Variants in ADAM23 observed in about 807,000 individuals in gnomAD.
ADAM23 encodes disintegrin and metalloproteinase domain-containing protein 23.
A neutral mutation model predicts 120.1 loss-of-function variants in ADAM23; 33 were observed. The ratio of observed to expected loss-of-function variants is 0.27; its 90% CI spans 0.21 to 0.37. The LOEUF is 0.37. Among genes scored for constraint, ADAM23 ranks in the 10% least tolerant of loss-of-function variants. The pLI is 1.00. For synonymous variants in ADAM23, 367 were observed against 375.2 expected (o/e 0.98, Z 0.25); for missense variants, 862 against 1,058.2 (o/e 0.81, Z 2.57).
rs78871360 is a variant in ADAM23 at position 206,487,704 on chromosome 2, T to C, written c.509+6396T>C. ...TGTGCTTCTTTTAGCCCCTGCCCGA[T>C]GCAGAGAGGAAAGAATTCTTAGGAT... On this transcript the variant is annotated intron_variant, in intron 3 of 25. Coordinates refer to ENST00000264377, the MANE Select transcript of ADAM23 (RefSeq NM_003812.4). Among the ~76,000 whole-genome samples the C allele has an allele frequency of 2.7e-3, 418 of 152,366 alleles. 2 individuals are homozygous for C. Among genetic ancestry groups the C allele is most frequent in the African/African-American group, 9.2e-3 (382 of 41,592 alleles).
chr2:206,617,338 A>C (rs769020972), intron 25 of ADAM23, among the ~76,000 whole-genome samples: 13 of 152,172 alleles, frequency 8.5e-5, no homozygotes, highest in Non-Finnish European at 1.8e-4. Context: ...AACAACCCAA[A>C]GTTTTGTTTG....
At chr2:206,562,942 T>C (rs1697797878) in intron 13 of ADAM23, among the ~76,000 whole-genome samples, 1 of 152,086 alleles carries the variant, frequency 6.6e-6, no homozygotes, top group South Asian at 2.1e-4. Context: ...AGATGAGAGG[T>C]AGATAGGAAG....
chr2:206,542,469 G>T (rs769988645), intron 5 of ADAM23, among the ~76,000 whole-genome samples: 15 of 152,186 alleles, frequency 9.9e-5, no homozygotes, highest in Non-Finnish European at 1.8e-4. Context: ...CCTACAGCTA[G>T]ACTTGAGAGT....
intron 18 of ADAM23, among the ~76,000 whole-genome samples, chr2:206,586,873 G>A (rs1698331875): frequency 6.6e-6 from 1 of 152,210 alleles, no homozygotes; most frequent in African/African-American, 2.4e-5. Flanking sequence ...GAAAGGCAGA[G>A]TATTTCTTCT....
Position 206,550,079 on chromosome 2 carries a change from T to G in ADAM23, c.868-16T>G. Reference sequence around the variant, plus strand: ...TGTCAATCACTATTCTGACCATATATTTTTATTTTCCGTAGCCATCACGTG... The same window carrying G: ...TGTCAATCACTATTCTGACCATATAGTTTTATTTTCCGTAGCCATCACGTG... On this transcript the variant is annotated splice_polypyrimidine_tract_variant and intron_variant, in intron 8 of 25. Transcript: ENST00000264377. 1 of 1,509,852 alleles carries G rather than the reference T, an allele frequency of 6.6e-7. No individual in the cohort carries two copies. Among genetic ancestry groups the G allele is most frequent in the Non-Finnish European group, 9.2e-7 (1 of 1,092,114 alleles). The allele number at this position is 1,509,852 out of a possible 1,614,324, so 93.5% of individuals were successfully genotyped here.
chr2:206,586,047 G>A (rs759500464), intron 18 of ADAM23, among the ~76,000 whole-genome samples: 2 of 152,118 alleles, frequency 1.3e-5, no homozygotes, highest in African/African-American at 2.4e-5. Flanking sequence ...AATCCAGAGC[G>A]ACAACGGGAA....
In ADAM23 at chr2:206,467,250, CAG is replaced by C. The variant is rs749811516; in HGVS notation, c.433-13980_433-13979del. Among the ~76,000 whole-genome samples the C allele has an allele frequency of 6.6e-5, 10 of 152,300 alleles. No individual in the cohort carries two copies. In the East Asian group the frequency reaches 7.7e-4, roughly 12 times the overall value. On this transcript the variant is annotated intron_variant, in intron 2 of 25. Coordinates refer to ENST00000264377, the MANE Select transcript of ADAM23 (RefSeq NM_003812.4). ...ATCTTAACTCATTCCAGCATTAACT[CAG>C]AAGTCCAAAGTCTTTTCTGAGATAA...
chr2:206,517,397 G>T (rs1379291173), intron 3 of ADAM23, among the ~76,000 whole-genome samples: 1 of 152,148 alleles, frequency 6.6e-6, no homozygotes, highest in African/African-American at 2.4e-5. Context: ...GTGGATTCCT[G>T]TCTTGAGTAT....
At chr2:206,499,878 A>G (rs1300870501) in intron 3 of ADAM23, among the ~76,000 whole-genome samples, 13 of 152,226 alleles carry the variant, frequency 8.5e-5, no homozygotes, top group Non-Finnish European at 5.9e-5. Flanking sequence ...ACCTTAAGAC[A>G]CCATGAAGTA....
intron 24 of ADAM23, among the ~76,000 whole-genome samples, chr2:206,601,739 A>C (rs1343165110): frequency 6.6e-6 from 1 of 150,428 alleles, no homozygotes; most frequent in Non-Finnish European, 1.5e-5. Context: ...ACACCACTGC[A>C]CTCCAGCCTG....
At chr2:206,537,857 C>G (rs1170622976) in intron 4 of ADAM23, among the ~76,000 whole-genome samples, 1 of 152,000 alleles carries the variant, frequency 6.6e-6, no homozygotes, top group Non-Finnish European at 1.5e-5. Context: ...TAAGCAATAA[C>G]AAGGAAAACA....
At chr2:206,549,296 C>T (rs1463057413) in intron 8 of ADAM23, among the ~76,000 whole-genome samples, 1 of 151,258 alleles carries the variant, frequency 6.6e-6, no homozygotes, top group Admixed American at 6.6e-5. Context: ...TATTAGATCT[C>T]TTTTAGCTCA....
intron 24 of ADAM23, among the ~76,000 whole-genome samples, chr2:206,603,781 AT>A (rs1397422283): frequency 6.6e-6 from 1 of 152,140 alleles, no homozygotes; most frequent in Non-Finnish European, 1.5e-5. Flanking sequence ...TTTTTAAATT[AT>A]TTTTATTTAT....
intron 3 of ADAM23, among the ~76,000 whole-genome samples, chr2:206,502,794 T>C (rs893948268): frequency 3.3e-5 from 5 of 152,176 alleles, no homozygotes; most frequent in African/African-American, 4.8e-5. Context: ...GTAATTTTAT[T>C]TACTAAAAAT....
intron 3 of ADAM23, among the ~76,000 whole-genome samples, chr2:206,496,050 T>C (rs1696239045): frequency 6.6e-6 from 1 of 152,110 alleles, no homozygotes; most frequent in African/African-American, 2.4e-5. Flanking sequence ...ACAATAATAA[T>C]GGGAGACTTA....
At chr2:206,540,041 G>A (rs1232159557) in intron 4 of ADAM23, among the ~76,000 whole-genome samples, 2 of 152,090 alleles carry the variant, frequency 1.3e-5, no homozygotes, top group African/African-American at 2.4e-5. Flanking sequence ...TCAAGGCCAG[G>A]CACGATGGTG....
rs541179329 is a variant in ADAM23 at position 206,480,922 on chromosome 2, T to A, written c.433-310T>A. Among the ~76,000 whole-genome samples, 11 of 152,320 alleles carry A rather than the reference T, an allele frequency of 7.2e-5. No homozygotes were observed. The South Asian group carries it at 2.3e-3, about 32-fold the overall frequency. On this transcript the variant is annotated intron_variant, in intron 2 of 25. Transcript: ENST00000264377. ...CGGGCTGAAATCAAGCTTTAATTAGTCAGACTTTTGCATAATTCGTCACGG... is the reference window on the plus strand; with the variant it reads ...CGGGCTGAAATCAAGCTTTAATTAGACAGACTTTTGCATAATTCGTCACGG...
intron 24 of ADAM23, chr2:206,606,695 A>ATAGC (rs1698734671): frequency 6.6e-6 from 1 of 152,178 alleles, no homozygotes; most frequent in African/African-American, 2.4e-5. Flanking sequence ...CATCCTCAGA[A>ATAGC]TAGCTGTCAG....
At chr2:206,520,731 T>C (rs1349843079) in intron 3 of ADAM23, among the ~76,000 whole-genome samples, 2 of 152,086 alleles carry the variant, frequency 1.3e-5, no homozygotes, top group South Asian at 2.1e-4. Context: ...TGTTCAGCCC[T>C]TCCCAGGTCC....
Sources: gnomAD v4.1 joint callset for allele counts (sites outside exome capture counted in the v4.1 genomes callset) on GRCh38, gnomAD v4.1.1 for gene constraint, MANE v1.5 for transcripts, NCBI Gene and HGNC (gene_info 2026-07-23, HGNC 2026-07-21) for gene names.